Variants in GSPT1 observed in about 807,000 individuals in gnomAD.
GSPT1 encodes the protein eukaryotic peptide chain release factor GTP-binding subunit ERF3A.
Under a neutral mutation model 72.5 loss-of-function variants are expected in GSPT1, and 20 were observed. That is an observed-to-expected ratio of 0.28 (90% CI 0.19 to 0.40). GSPT1 has a LOEUF of 0.40. Among genes scored for constraint, GSPT1 ranks in the 10% least tolerant of loss-of-function variants. The probability of loss-of-function intolerance (pLI) is 1.00; values close to 1 mark genes in which losing one functional copy is unlikely to be tolerated. For missense variants in GSPT1, 580 were observed against 811.9 expected (o/e 0.71, Z 3.47); for synonymous variants, 334 against 293.5 (o/e 1.14, Z -1.41).
intron 1 of GSPT1, among the ~76,000 whole-genome samples, chr16:11,904,716 T>C (rs1335473657): frequency 6.6e-6 from 1 of 152,174 alleles, no homozygotes; most frequent in East Asian, 1.9e-4. Context: ...CACAAATGTT[T>C]GGCTAAGTCT....
At chr16:11,915,043 G>T in intron 1 of GSPT1, 1 of 1,290,896 alleles carries the variant, frequency 7.7e-7, no homozygotes, top group Non-Finnish European at 1.0e-6. Context: ...GCAGGGATCC[G>T]CCGCGGCCCC....
In GSPT1 at chr16:11,875,888, A is replaced by T; in HGVS notation, c.1734T>A (p.Ser578Arg). The T allele has an allele frequency of 6.2e-7, 1 of 1,613,640 alleles. No homozygotes were observed. The highest frequency in any genetic ancestry group is 1.7e-4 in the Middle Eastern group (1 of 6,060). ...CLVDKKSGEK[S>R]KTRPRFVKQD... ...GTTTGACAAAACGGGGTCGGGTCTT[A>T]CTTTTTTCTCCTGATTTTTTGTCTA... The change falls in exon 14 of 15, where the codon AGT becomes AGA. Residue 578 changes from serine to arginine, a missense_variant. Ser to Arg is a moderately radical substitution (Grantham distance 110). Coordinates refer to ENST00000434724, the MANE Select transcript of GSPT1 (RefSeq NM_002094.4).
At chr16:11,883,863 A>G (rs189454166) in intron 10 of GSPT1, among the ~76,000 whole-genome samples, 1 of 151,802 alleles carries the variant, frequency 6.6e-6, no homozygotes, top group East Asian at 1.9e-4. Context: ...CAGTGAGCCG[A>G]GATCATGCCA....
At chr16:11,875,123 A>C (rs1288143876) in intron 14 of GSPT1, among the ~76,000 whole-genome samples, 1 of 152,024 alleles carries the variant, frequency 6.6e-6, no homozygotes, top group African/African-American at 2.4e-5. Context: ...TGGGAGGTGG[A>C]GCTTGCAGTG....
At chr16:11,899,643 C>T (rs561925586) in intron 1 of GSPT1, among the ~76,000 whole-genome samples, 3 of 152,130 alleles carry the variant, frequency 2.0e-5, no homozygotes, top group African/African-American at 7.2e-5. Context: ...TGTACTTCAA[C>T]ACAATACAGA....
At chr16:11,878,822 T>C (rs1355316573) in intron 11 of GSPT1, among the ~76,000 whole-genome samples, 1 of 151,766 alleles carries the variant, frequency 6.6e-6, no homozygotes, top group Non-Finnish European at 1.5e-5. Flanking sequence ...CCTCAGCATT[T>C]TGGGAGGCCG....
chr16:11,911,845 C>A (rs1318829121), intron 1 of GSPT1, among the ~76,000 whole-genome samples: 3 of 129,074 alleles, frequency 2.3e-5, no homozygotes, highest in Non-Finnish European at 5.0e-5. Context: ...AGCCACTGCA[C>A]CCAGCTGTAT....
intron 11 of GSPT1, among the ~76,000 whole-genome samples, chr16:11,882,773 A>G (rs2054137113): frequency 6.6e-6 from 1 of 151,914 alleles, no homozygotes; most frequent in Non-Finnish European, 1.5e-5. Context: ...TGGTCAACAT[A>G]GTGAGACCCC....
chr16:11,873,164 G>A lies in GSPT1; in HGVS notation c.1869C>T (p.Thr623=). ...GTTTCAGAACTTTTCCAATTGCAAT[G>A]GTCTTACCTAGAAATGAAATTTTAA... ...GRFTLRDEGK[T]IAIGKVLKLV... Residue 623 remains threonine, a synonymous_variant, in exon 15 of 15, where the codon ACC becomes ACT. Coordinates refer to ENST00000434724, the MANE Select transcript of GSPT1 (RefSeq NM_002094.4). 1 of 1,562,750 alleles carries A rather than the reference G, an allele frequency of 6.4e-7. No individual in the cohort carries two copies. The highest frequency in any genetic ancestry group is 8.8e-7 in the Non-Finnish European group (1 of 1,134,522).
chr16:11,904,454 G>C (rs2054462671), intron 1 of GSPT1, among the ~76,000 whole-genome samples: 3 of 152,062 alleles, frequency 2.0e-5, no homozygotes, highest in Non-Finnish European at 2.9e-5. Context: ...CGCCCGCCTT[G>C]GCCTCCTAAA....
chr16:11,907,611 C>A (rs1474205190), intron 1 of GSPT1, among the ~76,000 whole-genome samples: 2 of 136,410 alleles, frequency 1.5e-5, no homozygotes, highest in African/African-American at 3.7e-5. Flanking sequence ...GCCCTTCCCG[C>A]CCCCTGTTAT....
In GSPT1 at chr16:11,869,819, G is replaced by A. The variant is rs1442532275; in HGVS notation, c.*3300C>T. ...TGCAGATCGCCAAGGGAGCTTAGCT[G>A]ATTTTTTTCCAGGTTCATCTTGGGA... On this transcript the variant is annotated 3_prime_UTR_variant, in exon 15 of 15. Coordinates refer to ENST00000434724, the MANE Select transcript of GSPT1 (RefSeq NM_002094.4). 1 of 152,214 alleles carries A rather than the reference G, an allele frequency of 6.6e-6. No homozygotes were observed. Among genetic ancestry groups the A allele is most frequent in the East Asian group, 1.9e-4 (1 of 5,196 alleles). The allele number at this position is 152,214 out of a possible 1,614,324, so 9.4% of individuals were successfully genotyped here. A position where few individuals can be genotyped will look rare whatever the true frequency, so the allele number is the denominator to read the frequency against.
At position 11,870,890 on chromosome 16, in the gene GSPT1, A is replaced by G. The variant is rs1281284977; in HGVS notation, c.*2229T>C. 3 of 152,240 alleles carry G rather than the reference A, an allele frequency of 2.0e-5. No homozygotes were observed. Among genetic ancestry groups the G allele is most frequent in the Non-Finnish European group, 4.4e-5 (3 of 68,048 alleles). The allele number at this position is 152,240 out of a possible 1,614,324, so 9.4% of individuals were successfully genotyped here. A position where few individuals can be genotyped will look rare whatever the true frequency, so the allele number is the denominator to read the frequency against. On this transcript the variant is annotated 3_prime_UTR_variant, in exon 15 of 15. Transcript: ENST00000434724. Reference sequence around the variant, plus strand: ...TCCAAGTTACTTAAGAGTCTTGGCAACATGCACATAATAGTCTAACAGTGT... The same window carrying G: ...TCCAAGTTACTTAAGAGTCTTGGCAGCATGCACATAATAGTCTAACAGTGT...
At position 11,883,621 on chromosome 16, in the gene GSPT1, A is replaced by G. The variant is rs1189137571; in HGVS notation, c.1348-526T>C. Among the ~76,000 whole-genome samples the G allele has an allele frequency of 6.5e-5, 3 of 45,914 alleles. No individual in the cohort carries two copies. The East Asian group carries it at 0.011, about 162-fold the overall frequency. 30.1% of individuals were successfully genotyped at this position (45,914 alleles called of 152,430 possible). Reference sequence around the variant, plus strand: ...GGTAAAAGAGCAAGACTCTGTCTCAAAAAAAAAAAAAGGCTGGGCTCAGTG... The same window carrying G: ...GGTAAAAGAGCAAGACTCTGTCTCAGAAAAAAAAAAAGGCTGGGCTCAGTG... On this transcript the variant is annotated intron_variant, in intron 10 of 14. Transcript: ENST00000434724.
At chr16:11,887,398 T>C (rs2054197994) in intron 7 of GSPT1, among the ~76,000 whole-genome samples, 172 bp downstream of exon 7, 1 of 152,128 alleles carries the variant, frequency 6.6e-6, no homozygotes, top group Non-Finnish European at 1.5e-5. Flanking sequence ...CAGAAGTAAA[T>C]CAAATTTTGA....
chr16:11,886,439 C>A, intron 9 of GSPT1, 32 bp downstream of exon 9: 1 of 1,528,144 alleles, frequency 6.5e-7, no homozygotes, highest in Non-Finnish European at 8.9e-7. Flanking sequence ...CATCCTTTTC[C>A]TTTTTAAAAA....
At position 11,915,661 on chromosome 16, in the gene GSPT1, G is replaced by A. The variant is rs928774309; in HGVS notation, c.60C>T (p.Gly20=). The stretch of plus-strand genomic sequence containing the variant: ...CAGGCGCCGAGTCGCTGCTGCTGCT[G>A]CCGCTGCTGCTCCCGCCGCCGCCGC... ...GGGGGGGSSS[G]SSSSDSAPDC... is the part of the protein sequence containing the mutation. Residue 20 remains glycine, a synonymous_variant, in exon 1 of 15, where the codon GGC becomes GGT. Coordinates refer to ENST00000434724, the MANE Select transcript of GSPT1 (RefSeq NM_002094.4). 3.4e-6 allele frequency: 5 copies of A among 1,486,994 alleles called. No individual in the cohort carries two copies. The highest frequency in any genetic ancestry group is 4.5e-6 in the Non-Finnish European group (5 of 1,123,476). 92.1% of individuals were successfully genotyped at this position (1,486,994 alleles called of 1,614,324 possible).
chr16:11,908,992 T>C (rs916450872), intron 1 of GSPT1: 1 of 151,914 alleles, frequency 6.6e-6, no homozygotes, highest in Non-Finnish European at 1.5e-5. Flanking sequence ...CTACCAAAAT[T>C]AACCACCTAA....
rs1346624889 is a variant in GSPT1, at chr16:11,876,143, G to A, written c.1635C>T (p.Cys545=). ...IVIIEHKSII[C]PGYNAVLHIH... is the part of the protein sequence containing the mutation. ...TATGCAGCACCGCATTATAGCCTGG[G>A]CAGATGATGGATTTGTGCTCTATAA... The change falls in exon 13 of 15, where the codon TGC becomes TGT. Residue 545 remains cysteine (C), a synonymous_variant. Transcript: ENST00000434724. 4 of 1,607,596 alleles carry A rather than the reference G, an allele frequency of 2.5e-6. No individual in the cohort carries two copies. The highest frequency in any genetic ancestry group is 1.7e-6 in the Non-Finnish European group (2 of 1,174,142).
Sources: gnomAD v4.1 joint callset for allele counts (sites outside exome capture counted in the v4.1 genomes callset) on GRCh38, gnomAD v4.1.1 for gene constraint, MANE v1.5 for transcripts, NCBI Gene and HGNC (gene_info 2026-07-23, HGNC 2026-07-21) for gene names.